The following TBCE variants were observed in gnomAD, a reference collection of about 807,000 sequenced individuals.
TBCE encodes the protein tubulin folding cofactor E.
A neutral mutation model predicts 77.0 loss-of-function variants in TBCE; 53 were observed. The ratio of observed to expected loss-of-function variants is 0.69; its 90% CI spans 0.55 to 0.87. The LOEUF (loss-of-function observed/expected upper bound fraction) is 0.87. TBCE is among the 40% of genes least tolerant of loss of function. TBCE has a pLI of 0.00. For missense variants in TBCE, 624 were observed against 622.4 expected, an observed-to-expected ratio of 1.00 and a Z score of -0.03; for synonymous variants, 235 against 241.3, an observed-to-expected ratio of 0.97 and a Z score of 0.24.
chr1:235,450,608 C>T lies in TBCE; in HGVS notation c.*1846C>T, dbSNP rs1682840082. 2 of 389,338 alleles carry T rather than the reference C, an allele frequency of 5.1e-6. No homozygotes were observed. Among genetic ancestry groups the T allele is most frequent in the Middle Eastern group, 7.5e-4 (1 of 1,334 alleles). The allele number at this position is 389,338 out of a possible 1,614,324, so 24.1% of individuals were successfully genotyped here. ...TCAACAAATGCCATTCCGTAATGAA[C>T]GATTTTAGAAACCACAAGTGAGTTT... is the stretch of plus-strand genomic sequence containing the variant. On this transcript the variant is annotated 3_prime_UTR_variant, in exon 17 of 17. Coordinates refer to ENST00000642610, the MANE Select transcript of TBCE (RefSeq NM_003193.5).
intron 3 of TBCE, among the ~76,000 whole-genome samples, chr1:235,408,703 T>TA (rs1679606960): frequency 6.6e-6 from 1 of 152,196 alleles, no homozygotes; most frequent in Non-Finnish European, 1.5e-5. Flanking sequence ...CTTTAGATGT[T>TA]ACAGCGCTGA....
rs183592286 is a variant in TBCE, at chr1:235,437,577, T to A, written c.1116+103T>A. 156 of 1,378,288 alleles carry A rather than the reference T, an allele frequency of 1.1e-4. No individual in the cohort carries two copies. The African/African-American group carries it at 2.2e-3, about 20-fold the overall frequency. 85.4% of individuals were successfully genotyped at this position (1,378,288 alleles called of 1,614,324 possible). ...CTGTAATCCCAGCACTTTGGGAGGCTGGGGCAGGCTGATCGCTGCAGTCCA... is the reference window on the plus strand; with the variant it reads ...CTGTAATCCCAGCACTTTGGGAGGCAGGGGCAGGCTGATCGCTGCAGTCCA... On this transcript the variant is annotated intron_variant, in intron 12 of 16. Coordinates refer to ENST00000642610, the MANE Select transcript of TBCE (RefSeq NM_003193.5).
Position 235,450,637 on chromosome 1 carries a change from G to C in TBCE, c.*1875G>C, listed in dbSNP as rs1682842009. 2.9e-6 allele frequency: 1 copy of C among 346,792 alleles called. No individual in the cohort carries two copies. The highest frequency in any genetic ancestry group is 5.5e-6 in the Non-Finnish European group (1 of 182,158). The allele number at this position is 346,792 out of a possible 1,614,324, so 21.5% of individuals were successfully genotyped here. A position where few individuals can be genotyped will look rare whatever the true frequency, so the allele number is the denominator to read the frequency against. On this transcript the variant is annotated 3_prime_UTR_variant, in exon 17 of 17. Coordinates refer to ENST00000642610, the MANE Select transcript of TBCE (RefSeq NM_003193.5). The stretch of plus-strand genomic sequence containing the variant: ...TTTAGAAACCACAAGTGAGTTTCAT[G>C]TTTGCTAGTAAAGGTGTGTCTATGG...
Position 235,452,265 on chromosome 1 carries a change from C to A in TBCE, c.*3503C>A, listed in dbSNP as rs768972791. 1 of 152,122 alleles carries A rather than the reference C, an allele frequency of 6.6e-6. No homozygotes were observed. The highest frequency in any genetic ancestry group is 2.4e-5 in the African/African-American group (1 of 41,424). The allele number at this position is 152,122 out of a possible 1,614,324, so 9.4% of individuals were successfully genotyped here. On this transcript the variant is annotated 3_prime_UTR_variant, in exon 17 of 17. Coordinates refer to ENST00000642610, the MANE Select transcript of TBCE (RefSeq NM_003193.5). ...TCCTGACCTCATGATCTGCCCGCCT[C>A]GGCCTTCTGTTGTTAAGTTTTAAAG...
chr1:235,424,034 T>C (rs1324712296), intron 5 of TBCE, among the ~76,000 whole-genome samples: 1 of 152,214 alleles, frequency 6.6e-6, no homozygotes, highest in Non-Finnish European at 1.5e-5. Context: ...TGCCACTGTT[T>C]TTGTAAAGAA....
At chr1:235,391,262 T>C (rs1428601889) in intron 2 of TBCE, among the ~76,000 whole-genome samples, 1 of 151,914 alleles carries the variant, frequency 6.6e-6, no homozygotes, top group African/African-American at 2.4e-5. Flanking sequence ...GGCAGGTGGA[T>C]CACTTGGTCA....
intron 2 of TBCE, among the ~76,000 whole-genome samples, chr1:235,400,704 T>A (rs1428285572): frequency 1.3e-5 from 2 of 150,092 alleles, no homozygotes; most frequent in Admixed American, 6.7e-5. Flanking sequence ...CCAGCCTTTT[T>A]TTTTTTTGAG....
rs1159755760 is a variant in TBCE at position 235,383,193 on chromosome 1, G to A, written c.100+3044G>A. Among the ~76,000 whole-genome samples the A allele has an allele frequency of 1.5e-3, 224 of 149,424 alleles. 2 individuals carry two copies. Among genetic ancestry groups the A allele is most frequent in the African/African-American group, 5.2e-3 (213 of 40,944 alleles). On this transcript the variant is annotated intron_variant, in intron 2 of 16. Coordinates refer to ENST00000642610, the MANE Select transcript of TBCE (RefSeq NM_003193.5). ...GATCTATATCTCTGTTTTGGTACCA[G>A]TACCATGCTGTTTTGGTTACTGTAG...
intron 2 of TBCE, among the ~76,000 whole-genome samples, chr1:235,385,007 G>A (rs1278438256): frequency 6.6e-6 from 1 of 151,964 alleles, no homozygotes; most frequent in South Asian, 2.1e-4. Flanking sequence ...AGAGATTCTG[G>A]TATGTTGTGT....
chr1:235,435,585 GC>G (rs1681395567), intron 8 of TBCE, among the ~76,000 whole-genome samples, 159 bp from the exon 9 acceptor site: 1 of 152,142 alleles, frequency 6.6e-6, no homozygotes, highest in Admixed American at 6.6e-5. Context: ...AGGAATATGT[GC>G]ATCACCACAG....
At position 235,450,139 on chromosome 1, in the gene TBCE, C is replaced by A. The variant is rs1682803069; in HGVS notation, c.*1377C>A. 15 of 1,583,286 alleles carry A rather than the reference C, an allele frequency of 9.5e-6. No individual in the cohort carries two copies. The South Asian group carries it at 1.1e-4, about 12-fold the overall frequency. On this transcript the variant is annotated 3_prime_UTR_variant, in exon 17 of 17. Transcript: ENST00000642610. ...CAGTCTACTGCTAAACCCTGGGACT[C>A]CTCAGACTTGCACTCAGATTATCGT...
chr1:235,436,311 C>G, intron 9 of TBCE, 75 bp from the exon 10 acceptor site: 1 of 1,455,918 alleles, frequency 6.9e-7, no homozygotes, highest in Non-Finnish European at 9.6e-7. Flanking sequence ...AAAAAATTTA[C>G]AAACCGAGTC....
At chr1:235,399,143 C>T (rs765805535) in intron 2 of TBCE, among the ~76,000 whole-genome samples, 15 of 150,944 alleles carry the variant, frequency 9.9e-5, no homozygotes, top group Non-Finnish European at 1.3e-4. Flanking sequence ...TTAGTAGAGA[C>T]GGGGTTTTGC....
chr1:235,397,236 C>T (rs1263462288), intron 2 of TBCE, among the ~76,000 whole-genome samples: 12 of 134,404 alleles, frequency 8.9e-5, no homozygotes, highest in African/African-American at 3.4e-4. Flanking sequence ...GAGTCTTGCT[C>T]TGTCGCCCAG....
chr1:235,371,364 C>CTT (rs962308203), intron 1 of TBCE, among the ~76,000 whole-genome samples: 3 of 133,818 alleles, frequency 2.2e-5, no homozygotes, highest in African/African-American at 5.5e-5. Flanking sequence ...CCACTCTTGT[C>CTT]TTTTTTTTTT....
chr1:235,390,659 G>T (rs1678324989), intron 2 of TBCE, among the ~76,000 whole-genome samples: 1 of 151,868 alleles, frequency 6.6e-6, no homozygotes. Flanking sequence ...TACTTGGGAG[G>T]CTGAGGCAGG....
intron 5 of TBCE, among the ~76,000 whole-genome samples, chr1:235,422,647 C>T (rs185797884): frequency 7.9e-5 from 12 of 152,068 alleles, no homozygotes; most frequent in East Asian, 5.8e-4. Context: ...CTGGCCAACG[C>T]GGTGAAACCC....
intron 2 of TBCE, among the ~76,000 whole-genome samples, chr1:235,384,063 A>G (rs1369398655): frequency 4.6e-5 from 7 of 150,624 alleles, no homozygotes; most frequent in South Asian, 2.1e-4. Context: ...TTCTGCATCT[A>G]TTGAGATAAT....
intron 5 of TBCE, among the ~76,000 whole-genome samples, chr1:235,420,843 C>G (rs1680362195): frequency 6.6e-6 from 1 of 152,138 alleles, no homozygotes; most frequent in South Asian, 2.1e-4. Flanking sequence ...CGAGGCTGGT[C>G]ACGAACTCCT....
Sources: gnomAD v4.1 joint callset for allele counts (sites outside exome capture counted in the v4.1 genomes callset) on GRCh38, gnomAD v4.1.1 for gene constraint, MANE v1.5 for transcripts, NCBI Gene and HGNC (gene_info 2026-07-23, HGNC 2026-07-21) for gene names.